The following PRCD variants were observed in gnomAD, a reference collection of about 807,000 sequenced individuals.
The protein encoded by PRCD is photoreceptor disk component PRCD.
In PRCD, 12 loss-of-function variants were observed where a neutral mutation model predicts 10.1. The observed-to-expected ratio is 1.18, with a 90% CI of 0.76 to 1.92. PRCD has a LOEUF of 1.92. PRCD is among the 40% of genes most tolerant of loss of function. The pLI, the probability that PRCD is intolerant of heterozygous loss-of-function variation, is 0.00. For synonymous variants in PRCD, 31 were observed against 26.2 expected (o/e 1.18, Z -0.56); for missense variants, 61 against 72.2 (o/e 0.84, Z 0.56).
At chr17:76,527,789 C>A (rs1346503952) in exon 1 of PRCD, 1 of 454,004 alleles carries the variant, frequency 2.2e-6, no homozygotes, top group East Asian at 6.9e-5. Flanking sequence ...GTGCGGTCAT[C>A]CCACCCAGAA....
At chr17:76,539,239 T>G (rs1290573790), upstream of PRCD, among the ~76,000 whole-genome samples, 3 of 152,216 alleles carry the variant, frequency 2.0e-5, no homozygotes, top group East Asian at 5.8e-4. Flanking sequence ...TCAAAGTTGG[T>G]GTGACCAAGT....
Position 76,531,729 on chromosome 17 carries a change from G to C in PRCD, n.45+3896G>C. On this transcript the variant is annotated intron_variant and non_coding_transcript_variant, in intron 1 of 4. Transcript: ENST00000397633. The surrounding 1 kb of genome is among the most constrained non-coding windows in gnomAD (Gnocchi z 7.4). The stretch of plus-strand genomic sequence containing the variant: ...ACAGGGGTGGTCGCTGAAGCTGGAG[G>C]CTGCCTCGGGCCCACCCTGAAGCTT... 4.6e-6 allele frequency: 7 copies of C among 1,536,544 alleles called. No homozygotes were observed. The highest frequency in any genetic ancestry group is 5.3e-6 in the Non-Finnish European group (6 of 1,127,830).
At chr17:76,536,887 C>G (rs1177612576), upstream of PRCD, among the ~76,000 whole-genome samples, 1 of 152,180 alleles carries the variant, frequency 6.6e-6, no homozygotes. Context: ...ACACTGGACC[C>G]CCCGGGCTCT....
chr17:76,531,348 G>T lies in PRCD; in HGVS notation n.45+3515G>T. ...CCGGGCACTGCCCCTCCCTCTCGCA[G>T]CCACTCCGGGGATCACCTCTGTTGC... On this transcript the variant is annotated intron_variant and non_coding_transcript_variant, in intron 1 of 4. Transcript: ENST00000397633. This position sits in a 1 kb window ranked among gnomAD's most constrained non-coding sequence, Gnocchi z 7.4. 1 of 1,373,394 alleles carries T rather than the reference G, an allele frequency of 7.3e-7. No homozygotes were observed. Among genetic ancestry groups the T allele is most frequent in the South Asian group, 1.4e-5 (1 of 73,238 alleles). 85.1% of individuals were successfully genotyped at this position (1,373,394 alleles called of 1,614,324 possible). A position where few individuals can be genotyped will look rare whatever the true frequency, so the allele number is the denominator to read the frequency against.
chr17:76,540,035 C>T (rs1204938881), upstream of PRCD: 39 of 1,195,726 alleles, frequency 3.3e-5, no homozygotes, highest in Non-Finnish European at 4.6e-5. This position sits in a 1 kb window ranked among gnomAD's most constrained non-coding sequence, Gnocchi z 5.0. Context: ...CCAGCAGGAA[C>T]CGCAGGACAG....
chr17:76,529,045 C>CG (rs1491409090), intron 1 of PRCD: 1 of 45,680 alleles, frequency 2.2e-5, no homozygotes, highest in African/African-American at 8.7e-4. Context: ...AGTCATTGCG[C>CG]CCCCCCCCCA....
downstream of PRCD, among the ~76,000 whole-genome samples, chr17:76,548,160 TAC>T (rs759067140): frequency 1.5e-4 from 23 of 150,884 alleles, 1 homozygote; most frequent in South Asian, 4.2e-4. Flanking sequence ...CATTCACACA[TAC>T]ACACACACAT....
At chr17:76,529,533 T>C (rs2067046474) in intron 1 of PRCD, 1 of 985,448 alleles carries the variant, frequency 1.0e-6, no homozygotes, top group Non-Finnish European at 1.2e-6. Context: ...GCCAGCTCTC[T>C]TTCCAGTCTC....
intron 1 of PRCD, among the ~76,000 whole-genome samples, chr17:76,534,146 TTCTCTCTC>T (rs71158013): frequency 0.02 from 2,550 of 129,010 alleles, 42 homozygotes; most frequent in African/African-American, 0.039. Context: ...CTCTTTCTCT[TTCTCTCTC>T]TCTCTCTCTC....
rs1270410909 is a variant in PRCD, at chr17:76,540,274, G to A, written c.74+59G>A. On this transcript the variant is annotated intron_variant, in intron 1 of 4. Coordinates refer to ENST00000592014, the MANE Select transcript of PRCD (RefSeq NM_001077620.3). The surrounding 1 kb of genome is among the most constrained non-coding windows in gnomAD (Gnocchi z 5.0). ...GTCGGGGGGGGGGGGCATGGGGCTG[G>A]GCTGCCACCAAGCTGAAGGTGGGCA... 126 of 1,463,950 alleles carry A rather than the reference G, an allele frequency of 8.6e-5. No individual in the cohort carries two copies. The South Asian group carries it at 1.1e-3, about 13-fold the overall frequency. The allele number at this position is 1,463,950 out of a possible 1,614,324, so 90.7% of individuals were successfully genotyped here. A position where few individuals can be genotyped will look rare whatever the true frequency, so the allele number is the denominator to read the frequency against.
upstream of PRCD, among the ~76,000 whole-genome samples, chr17:76,539,353 G>A (rs990444890): frequency 6.6e-6 from 1 of 152,234 alleles, no homozygotes; most frequent in Non-Finnish European, 1.5e-5. Flanking sequence ...GTCGTATGGT[G>A]TAGGAATGAA....
rs921691320 is a variant in PRCD at position 76,540,672 on chromosome 17, C to T, written c.143+99C>T. ...ACGTGTGTGCCTGTGCGCGCCTGTGCGTGCACCGTATCCTGGCCCTTGCCC... is the reference window on the plus strand; with the variant it reads ...ACGTGTGTGCCTGTGCGCGCCTGTGTGTGCACCGTATCCTGGCCCTTGCCC... On this transcript the variant is annotated intron_variant, in intron 2 of 4. Transcript: ENST00000592014. The surrounding 1 kb of genome is among the most constrained non-coding windows in gnomAD (Gnocchi z 5.0). The T allele has an allele frequency of 4.9e-6, 6 of 1,223,048 alleles. No individual in the cohort carries two copies. Among genetic ancestry groups the T allele is most frequent in the Non-Finnish European group, 7.1e-6 (6 of 839,820 alleles). 75.8% of individuals were successfully genotyped at this position (1,223,048 alleles called of 1,614,324 possible).
intron 4 of PRCD, 63 bp from the exon 5 acceptor site, chr17:76,543,740 C>T (rs1371420806): frequency 6.4e-6 from 3 of 469,144 alleles, no homozygotes; most frequent in Non-Finnish European, 1.3e-5. Context: ...CACTTGTGGT[C>T]CGAGGTGCTG....
Position 76,530,133 on chromosome 17 carries a change from C to G in PRCD, n.45+2300C>G. The G allele has an allele frequency of 1.0e-6, 1 of 976,784 alleles. No homozygotes were observed. The highest frequency in any genetic ancestry group is 1.1e-4 in the East Asian group (1 of 8,772). The allele number at this position is 976,784 out of a possible 1,614,324, so 60.5% of individuals were successfully genotyped here. A position where few individuals can be genotyped will look rare whatever the true frequency, so the allele number is the denominator to read the frequency against. On this transcript the variant is annotated intron_variant and non_coding_transcript_variant, in intron 1 of 4. Transcript: ENST00000397633. This position sits in a 1 kb window ranked among gnomAD's most constrained non-coding sequence, Gnocchi z 6.1. ...GTTTCTCTACCACGGGAATGTTTCT[C>G]TACCACGCGTGTCCCGGGCTGCTGG...
At chr17:76,548,048 T>A (rs2075072187), downstream of PRCD, among the ~76,000 whole-genome samples, 1 of 148,718 alleles carries the variant, frequency 6.7e-6, no homozygotes, top group Non-Finnish European at 1.5e-5. Context: ...ATACGAACAT[T>A]CACACACATA....
rs909140815 is a variant in PRCD, at chr17:76,531,898, T to C, written n.45+4065T>C. 1.9e-6 allele frequency: 1 copy of C among 513,958 alleles called. No individual in the cohort carries two copies. The highest frequency in any genetic ancestry group is 3.5e-6 in the Non-Finnish European group (1 of 287,116). The allele number at this position is 513,958 out of a possible 1,614,324, so 31.8% of individuals were successfully genotyped here. On this transcript the variant is annotated intron_variant and non_coding_transcript_variant, in intron 1 of 4. Transcript: ENST00000397633. The surrounding 1 kb of genome is among the most constrained non-coding windows in gnomAD (Gnocchi z 7.4). ...CACCCCTACCAAGTCTGGCCATGTCTATCTGCCAGGCTTGCTCAGGCTGGC... is the reference window on the plus strand; with the variant it reads ...CACCCCTACCAAGTCTGGCCATGTCCATCTGCCAGGCTTGCTCAGGCTGGC...
In PRCD at chr17:76,540,248, G is replaced by T. The variant is rs2074971504; in HGVS notation, c.74+33G>T. The T allele has an allele frequency of 2.1e-6, 3 of 1,401,430 alleles. No individual in the cohort carries two copies. Among genetic ancestry groups the T allele is most frequent in the South Asian group, 2.5e-5 (2 of 78,890 alleles). 86.8% of individuals were successfully genotyped at this position (1,401,430 alleles called of 1,614,324 possible). ...ACTGACCGGGCTATGGCTGGCGGTT[G>T]GTCGGGGGGGGGGGGCATGGGGCTG... is the stretch of plus-strand genomic sequence containing the variant. On this transcript the variant is annotated intron_variant, in intron 1 of 4. Transcript: ENST00000592014. The surrounding 1 kb of genome is among the most constrained non-coding windows in gnomAD (Gnocchi z 5.0).
In PRCD at chr17:76,528,540, T is replaced by G; in HGVS notation, n.45+707T>G. 1 of 1,280,816 alleles carries G rather than the reference T, an allele frequency of 7.8e-7. No individual in the cohort carries two copies. 79.3% of individuals were successfully genotyped at this position (1,280,816 alleles called of 1,614,324 possible). On this transcript the variant is annotated intron_variant and non_coding_transcript_variant, in intron 1 of 4. Coordinates refer to the PRCD transcript ENST00000397633. This position sits in a 1 kb window ranked among gnomAD's most constrained non-coding sequence, Gnocchi z 5.8. ...GGGTCTTCAGAACTCGGCCTTCTGC[T>G]CGAGGTGCTGCCAGGGAGGGGGGTG... is the stretch of plus-strand genomic sequence containing the variant.
rs756763848 is a variant in PRCD at position 76,531,411 on chromosome 17, G to A, written n.45+3578G>A. ...TCGCAGAGCCTGCGAGCTGCAGATG[G>A]CCATGACGCGTGGGCGGTGGGGGCT... On this transcript the variant is annotated intron_variant and non_coding_transcript_variant, in intron 1 of 4. Coordinates refer to the PRCD transcript ENST00000397633. The surrounding 1 kb of genome is among the most constrained non-coding windows in gnomAD (Gnocchi z 7.4). 1.3e-6 allele frequency: 2 copies of A among 1,573,590 alleles called. No individual in the cohort carries two copies. Among genetic ancestry groups the A allele is most frequent in the East Asian group, 2.3e-5 (1 of 44,096 alleles).
Sources: gnomAD v4.1 joint callset for allele counts (sites outside exome capture counted in the v4.1 genomes callset) on GRCh38, gnomAD v4.1.1 for gene constraint, Gnocchi (gnomAD v3.1) non-coding constraint, MANE v1.5 for transcripts, NCBI Gene and HGNC (gene_info 2026-07-23, HGNC 2026-07-21) for gene names.